OPCML: variants seen among roughly 807,000 people sequenced by gnomAD.
The protein encoded by OPCML is opioid binding protein/cell adhesion molecule like.
OPCML carries 13 observed loss-of-function variants against 37.8 expected under a neutral mutation model. The observed-to-expected ratio is 0.34, with a 90% CI of 0.22 to 0.55. The LOEUF (loss-of-function observed/expected upper bound fraction) is 0.55. OPCML is among the 20% of genes least tolerant of loss of function. OPCML has a pLI of 0.91. For missense variants in OPCML, 341 were observed against 435.6 expected, an observed-to-expected ratio of 0.78 and a Z score of 1.93; for synonymous variants, 176 against 168.8, an observed-to-expected ratio of 1.04 and a Z score of -0.33.
rs143322466 is a variant in OPCML, at chr11:132,663,951, G to A, written c.147-6632C>T. Among the ~76,000 whole-genome samples, 1,313 of 152,242 alleles carry A rather than the reference G, an allele frequency of 8.6e-3. 24 individuals carry two copies. Among genetic ancestry groups the A allele is most frequent in the African/African-American group, 0.029 (1,187 of 41,536 alleles). On this transcript the variant is annotated intron_variant, in intron 2 of 7. Transcript: ENST00000524381. ...GGGTTCACGCCATTCTCCCGCCTCA[G>A]CTTCTGGAGTAGCTGGGATTACAGG...
intron 1 of OPCML, among the ~76,000 whole-genome samples, chr11:133,051,617 G>T (rs1490504037): frequency 6.6e-6 from 1 of 152,122 alleles, no homozygotes; most frequent in Non-Finnish European, 1.5e-5. Flanking sequence ...GCTATCTCTT[G>T]ATGACCATTG....
chr11:133,510,899 A>ACATG lies in OPCML; in HGVS notation c.61+21364_61+21365insCATG, dbSNP rs1555168912. Among the ~76,000 whole-genome samples the ACATG allele has an allele frequency of 5.5e-3, 808 of 147,830 alleles. 9 individuals are homozygous for ACATG. The highest frequency in any genetic ancestry group is 0.02 in the African/African-American group (758 of 37,440). On this transcript the variant is annotated intron_variant, in intron 1 of 7. Transcript: ENST00000524381. Reference sequence around the variant, plus strand: ...ATGCCAGCCACATACACACACACACACACGCACACACACACACACACACTC... The same window carrying ACATG: ...ATGCCAGCCACATACACACACACACACATGCACGCACACACACACACACACACTC...
At chr11:132,535,829 T>C (rs1022577487) in intron 3 of OPCML, among the ~76,000 whole-genome samples, 2 of 152,150 alleles carry the variant, frequency 1.3e-5, no homozygotes, top group South Asian at 2.1e-4. Flanking sequence ...CACCTGCTTA[T>C]GGTTTGGGTG....
intron 2 of OPCML, among the ~76,000 whole-genome samples, chr11:132,799,340 C>A (rs1314665016): frequency 6.6e-6 from 1 of 152,242 alleles, no homozygotes; most frequent in Middle Eastern, 3.4e-3. Flanking sequence ...TGGTTTCTTT[C>A]CTTAAATCTC....
chr11:132,864,486 T>C (rs1942445350), intron 2 of OPCML, among the ~76,000 whole-genome samples: 1 of 152,206 alleles, frequency 6.6e-6, no homozygotes, highest in African/African-American at 2.4e-5. Flanking sequence ...GAACTATCTA[T>C]GTCTCCACCT....
chr11:132,836,167 G>C (rs1162439922), intron 2 of OPCML, among the ~76,000 whole-genome samples: 1 of 152,180 alleles, frequency 6.6e-6, no homozygotes, highest in Non-Finnish European at 1.5e-5. Flanking sequence ...TATCTGAAAA[G>C]CTTACAGGAT....
At chr11:132,941,637 G>A (rs1041071743) in intron 2 of OPCML, among the ~76,000 whole-genome samples, 4 of 152,130 alleles carry the variant, frequency 2.6e-5, no homozygotes, top group African/African-American at 9.7e-5. Flanking sequence ...TGGCCAGGAG[G>A]ACTTTTCCTT....
At chr11:133,298,549 C>G (rs906658805) in intron 1 of OPCML, 26 of 152,162 alleles carry the variant, frequency 1.7e-4, no homozygotes, top group Admixed American at 7.2e-4. Context: ...AATGGCTCCT[C>G]TTGGTCTCTC....
At chr11:133,340,391 C>T (rs985929723) in intron 1 of OPCML, among the ~76,000 whole-genome samples, 7 of 152,188 alleles carry the variant, frequency 4.6e-5, no homozygotes, top group Non-Finnish European at 1.0e-4. Context: ...GTGGTAGACT[C>T]AAAAGACTGT....
At chr11:133,518,477 G>A (rs1948332231) in intron 1 of OPCML, among the ~76,000 whole-genome samples, 2 of 151,838 alleles carry the variant, frequency 1.3e-5, no homozygotes, top group Admixed American at 6.6e-5. Context: ...GTGTGTGCAT[G>A]GATGTTTGTG....
At chr11:132,686,769 C>T (rs960635553) in intron 2 of OPCML, among the ~76,000 whole-genome samples, 3 of 152,184 alleles carry the variant, frequency 2.0e-5, no homozygotes, top group African/African-American at 7.2e-5. Flanking sequence ...TATTCTCCCA[C>T]ATTGATGTTT....
intron 2 of OPCML, among the ~76,000 whole-genome samples, chr11:132,845,732 C>T (rs1231648359): frequency 6.6e-6 from 1 of 152,232 alleles, no homozygotes; most frequent in Non-Finnish European, 1.5e-5. Flanking sequence ...GTCACTCTGT[C>T]ACTATTAGAG....
intron 4 of OPCML, among the ~76,000 whole-genome samples, chr11:132,521,198 T>C (rs532894403): frequency 2.6e-5 from 4 of 152,310 alleles, no homozygotes; most frequent in South Asian, 2.1e-4. Context: ...TATCTGTTCA[T>C]ATCCTTTGCC....
chr11:133,352,006 G>A lies in OPCML; in HGVS notation c.61+180258C>T, dbSNP rs144480368. ...GCTATTTTCATTGCTGCCCCCACAG[G>A]TTTTGCAACTGTTTCTCAATTGGGT... is the stretch of plus-strand genomic sequence containing the variant. On this transcript the variant is annotated intron_variant, in intron 1 of 7. Transcript: ENST00000524381. Among the ~76,000 whole-genome samples, 60 of 152,168 alleles carry A rather than the reference G, an allele frequency of 3.9e-4. No homozygotes were observed. The East Asian group carries it at 4.8e-3, about 12-fold the overall frequency.
rs572562834 is a variant in OPCML, at chr11:132,903,293, G to A, written c.146+39633C>T. Among the ~76,000 whole-genome samples, 225 of 152,278 alleles carry A rather than the reference G, an allele frequency of 1.5e-3. 2 individuals are homozygous for A. Among genetic ancestry groups the A allele is most frequent in the Admixed American group, 5.4e-3 (83 of 15,306 alleles). On this transcript the variant is annotated intron_variant, in intron 2 of 7. Transcript: ENST00000524381. ...GTTTCCCATATGTGACCAAGGACAG[G>A]AGGTTGTTTTATAATATTTATGCCA...
chr11:133,038,080 A>G (rs533853516), intron 1 of OPCML, among the ~76,000 whole-genome samples: 1 of 152,248 alleles, frequency 6.6e-6, no homozygotes, highest in Admixed American at 6.5e-5. Flanking sequence ...CTCTTGGCCC[A>G]TATCTCTACA....
intron 1 of OPCML, among the ~76,000 whole-genome samples, chr11:133,129,279 G>A (rs1285990797): frequency 6.6e-6 from 1 of 152,110 alleles, no homozygotes; most frequent in Non-Finnish European, 1.5e-5. Context: ...ATGCACGTAA[G>A]GGAACTACCC....
At chr11:133,080,309 GC>G (rs1948691186) in intron 1 of OPCML, among the ~76,000 whole-genome samples, 1 of 152,136 alleles carries the variant, frequency 6.6e-6, no homozygotes, top group Non-Finnish European at 1.5e-5. Context: ...CTGGGATGAT[GC>G]CTGGAACTTT....
intron 1 of OPCML, among the ~76,000 whole-genome samples, chr11:133,517,540 G>A (rs144938042): frequency 6.6e-5 from 10 of 152,340 alleles, no homozygotes; most frequent in East Asian, 1.9e-4. Flanking sequence ...CATACTTACC[G>A]CTAGGGCGGT....
Sources: allele counts gnomAD v4.1 joint callset (sites outside exome capture counted in the v4.1 genomes callset), GRCh38; gene constraint gnomAD v4.1.1; transcripts MANE v1.5; gene names NCBI Gene and HGNC (gene_info 2026-07-23, HGNC 2026-07-21).